SEMA6D: variants seen among roughly 807,000 people sequenced by gnomAD.
SEMA6D encodes the protein semaphorin 6D.
SEMA6D carries 35 observed loss-of-function variants against 106.6 expected under a neutral mutation model. That is an observed-to-expected ratio of 0.33 (90% CI 0.25 to 0.44). The LOEUF (loss-of-function observed/expected upper bound fraction) is 0.44, where lower values mean the gene tolerates loss of function less well. SEMA6D is among the 20% of genes least tolerant of loss of function. SEMA6D has a pLI of 1.00. For missense variants in SEMA6D, 1,185 were observed against 1,345.9 expected (o/e 0.88, Z 1.87); for synonymous variants, 499 against 487.7 (o/e 1.02, Z -0.31).
At chr15:47,634,373 T>G (rs2077343797) in intron 4 of SEMA6D, among the ~76,000 whole-genome samples, 1 of 152,134 alleles carries the variant, frequency 6.6e-6, no homozygotes, top group Non-Finnish European at 1.5e-5. Context: ...CCCGATGGTC[T>G]TCACTGCCAC....
intron 4 of SEMA6D, among the ~76,000 whole-genome samples, chr15:47,679,413 TA>T (rs938494329): frequency 2.0e-5 from 3 of 152,014 alleles, no homozygotes; most frequent in South Asian, 2.1e-4. Context: ...GGCTGAGAAA[TA>T]AAAAAAAGTA....
chr15:47,586,641 G>A (rs921479215), intron 3 of SEMA6D, among the ~76,000 whole-genome samples: 2 of 152,074 alleles, frequency 1.3e-5, no homozygotes, highest in African/African-American at 2.4e-5. Context: ...GAAACCAACA[G>A]CATTTTACAA....
chr15:47,495,469 C>A (rs149399324), intron 3 of SEMA6D, among the ~76,000 whole-genome samples: 12 of 152,010 alleles, frequency 7.9e-5, no homozygotes, highest in African/African-American at 2.9e-4. Flanking sequence ...AATTTCCTTC[C>A]TTTCCCCTAA....
Position 47,759,895 on chromosome 15 carries a change from G to T in SEMA6D, c.97G>T (p.Val33Phe). 1 of 1,610,580 alleles carries T rather than the reference G, an allele frequency of 6.2e-7. No individual in the cohort carries two copies. The highest frequency in any genetic ancestry group is 8.5e-7 in the Non-Finnish European group (1 of 1,176,940). ...FPEDDEPLNTVDYHYSRQYPV... is the reference protein window; with the variant it reads ...FPEDDEPLNTFDYHYSRQYPV... ...TGAAGATGATGAACCCCTTAATACT[G>T]TCGACTATCACTGTAAGTCGTCTCA... Residue 33 changes from valine (V) to phenylalanine (F), a missense_variant, in exon 2 of 19, where the codon GTC (valine) becomes TTC (phenylalanine). Physicochemically the swap from Val to Phe is conservative, Grantham distance 50. This residue lies in a region of SEMA6D where 144 missense variants were observed against 138.6 expected (regional missense o/e 1.04). Coordinates refer to ENST00000536845, the MANE Select transcript of SEMA6D (RefSeq NM_001358351.3).
At chr15:47,506,826 A>G (rs1472784650) in intron 3 of SEMA6D, among the ~76,000 whole-genome samples, 2 of 152,202 alleles carry the variant, frequency 1.3e-5, no homozygotes, top group African/African-American at 2.4e-5. Context: ...CAAGAGTTAC[A>G]TTATTCCTGT....
chr15:47,624,911 TA>T (rs1380888480), intron 4 of SEMA6D, among the ~76,000 whole-genome samples: 2 of 152,182 alleles, frequency 1.3e-5, no homozygotes, highest in Non-Finnish European at 2.9e-5. Context: ...TAATTTCACA[TA>T]GACTGGAGAA....
At chr15:47,527,917 A>G (rs184574387) in intron 3 of SEMA6D, among the ~76,000 whole-genome samples, 59 of 152,304 alleles carry the variant, frequency 3.9e-4, no homozygotes, top group African/African-American at 1.3e-3. Context: ...CTTTGTTACT[A>G]TTATTTTAAG....
intron 3 of SEMA6D, among the ~76,000 whole-genome samples, chr15:47,507,353 C>T (rs1275722015): frequency 7.4e-6 from 1 of 135,868 alleles, no homozygotes; most frequent in African/African-American, 2.7e-5. Flanking sequence ...CCCCCCACCC[C>T]CCCGGGCCTT....
chr15:47,771,539 G>C lies in SEMA6D; in HGVS notation c.2976G>C (p.Gln992His), dbSNP rs1278932498. 1.2e-6 allele frequency: 2 copies of C among 1,614,094 alleles called. No homozygotes were observed. Among genetic ancestry groups the C allele is most frequent in the African/African-American group, 2.7e-5 (2 of 75,028 alleles). ...NSPNGVLLSR[Q>H]PSMNRGGYMP... ...CAAATGGTGTTTTGTTATCCAGACA[G>C]CCTAGTATGAACCGTGGAGGATATA... The change falls in exon 19 of 19, where the codon CAG (glutamine) becomes CAC (histidine). Residue 992 changes from glutamine to histidine, a missense_variant. Physicochemically the swap from Gln to His is conservative, Grantham distance 24. Around this residue, in one of 3 missense-constraint regions of SEMA6D, gnomAD observed 750 missense variants for 783.5 expected, o/e 0.96. Coordinates refer to ENST00000536845, the MANE Select transcript of SEMA6D (RefSeq NM_001358351.3).
chr15:47,692,019 G>T (rs965357453), intron 4 of SEMA6D, among the ~76,000 whole-genome samples: 1 of 152,196 alleles, frequency 6.6e-6, no homozygotes, highest in African/African-American at 2.4e-5. Flanking sequence ...AAGAGGAAAA[G>T]CATTTCTAGC....
At chr15:47,701,274 A>C (rs1178662317) in intron 4 of SEMA6D, among the ~76,000 whole-genome samples, 1 of 152,208 alleles carries the variant, frequency 6.6e-6, no homozygotes, top group African/African-American at 2.4e-5. Context: ...CCAATTAAAA[A>C]ATAGGCCAAA....
At position 47,639,095 on chromosome 15, in the gene SEMA6D, C is replaced by T. The variant is rs181587716; in HGVS notation, c.-55+38199C>T. Among the ~76,000 whole-genome samples, 28 of 152,276 alleles carry T rather than the reference C, an allele frequency of 1.8e-4. No individual in the cohort carries two copies. In the East Asian group the frequency reaches 4.8e-3, roughly 26 times the overall value. On this transcript the variant is annotated intron_variant, in intron 4 of 19. Coordinates refer to the SEMA6D transcript ENST00000558014. ...GTGCCCTTCTGCCTGGGGTTTTAAACTACATGCCCTCTAAGGCTCAAAGGT... is the reference window on the plus strand; with the variant it reads ...GTGCCCTTCTGCCTGGGGTTTTAAATTACATGCCCTCTAAGGCTCAAAGGT...
At chr15:47,476,148 G>A (rs1465240012) in intron 3 of SEMA6D, among the ~76,000 whole-genome samples, 1 of 152,186 alleles carries the variant, frequency 6.6e-6, no homozygotes, top group Non-Finnish European at 1.5e-5. Context: ...CTCTGTATTT[G>A]AGGTGCTGGC....
intron 3 of SEMA6D, among the ~76,000 whole-genome samples, chr15:47,581,133 G>A (rs908499841): frequency 6.6e-6 from 1 of 152,008 alleles, no homozygotes; most frequent in African/African-American, 2.4e-5. Flanking sequence ...TCTTTTTCAG[G>A]GTACAGTAGT....
At chr15:47,438,420 T>TA (rs2041787476) in intron 2 of SEMA6D, among the ~76,000 whole-genome samples, 3 of 152,232 alleles carry the variant, frequency 2.0e-5, no homozygotes, top group South Asian at 2.1e-4. Flanking sequence ...ATCCCCATGA[T>TA]AGAGTTTCAC....
chr15:47,227,482 TTTTC>T (rs71118161), intron 1 of SEMA6D, among the ~76,000 whole-genome samples: 49,243 of 138,758 alleles, frequency 0.35, 9,303 homozygotes, highest in Middle Eastern at 0.48. Flanking sequence ...TTCTCTTTCT[TTTTC>T]TTTCTTTCTT....
intron 1 of SEMA6D, among the ~76,000 whole-genome samples, chr15:47,390,815 G>C (rs1364770540): frequency 6.6e-6 from 1 of 151,914 alleles, no homozygotes; most frequent in East Asian, 1.9e-4. Flanking sequence ...ACTAGCTTTG[G>C]AATCTGTCTT....
At chr15:47,463,681 G>A (rs2141069277) in intron 2 of SEMA6D, among the ~76,000 whole-genome samples, 1 of 152,266 alleles carries the variant, frequency 6.6e-6, no homozygotes, top group South Asian at 2.1e-4. Context: ...TTTACTGTGC[G>A]ACTGTATTAG....
chr15:47,452,426 CT>C (rs1400732399), intron 2 of SEMA6D, among the ~76,000 whole-genome samples: 3 of 151,382 alleles, frequency 2.0e-5, no homozygotes, highest in African/African-American at 7.3e-5. Context: ...TGTTTCTAAG[CT>C]CCAGTTTATA....
Sources: gnomAD v4.1 joint callset for allele counts (sites outside exome capture counted in the v4.1 genomes callset) on GRCh38, gnomAD v4.1.1 for gene constraint, gnomAD v4.1.1 regional missense constraint, MANE v1.5 for transcripts, NCBI Gene and HGNC (gene_info 2026-07-23, HGNC 2026-07-21) for gene names.